Variants in EVPLL observed in about 807,000 individuals in gnomAD.
EVPLL encodes the protein envoplakin like.
EVPLL carries 39 observed loss-of-function variants against 46.2 expected under a neutral mutation model. The observed-to-expected ratio is 0.84, with a 90% CI of 0.65 to 1.10. The LOEUF is 1.10. EVPLL is among the 50% of genes least tolerant of loss of function. The pLI is 0.00. For synonymous variants in EVPLL, 156 were observed against 165.8 expected, an observed-to-expected ratio of 0.94 and a Z score of 0.46; for missense variants, 385 against 412.6, an observed-to-expected ratio of 0.93 and a Z score of 0.58.
rs1188284668 is a variant in EVPLL, at chr17:18,381,984, AG to A, written c.346+256del. The A allele has an allele frequency of 3.6e-6, 2 of 549,370 alleles. No individual in the cohort carries two copies. Among genetic ancestry groups the A allele is most frequent in the African/African-American group, 3.8e-5 (2 of 53,038 alleles). The allele number at this position is 549,370 out of a possible 1,614,324, so 34.0% of individuals were successfully genotyped here. A position where few individuals can be genotyped will look rare whatever the true frequency, so the allele number is the denominator to read the frequency against. ...TGAGGAGAGGACAATTCCAGAAAGA[AG>A]GAGCAAAGGCACCTGCCAGGAGGAA... On this transcript the variant is annotated intron_variant, in intron 4 of 10. Transcript: ENST00000399134. This position sits in a 1 kb window ranked among gnomAD's most constrained non-coding sequence, Gnocchi z 4.2.
At position 18,383,036 on chromosome 17, in the gene EVPLL, G is replaced by T; in HGVS notation, c.523G>T (p.Val175Leu). ...PIPRPTEGGV[V>L]ARAEPGQPVH... ...GGTCCTGAGCACAGAGGGCGGCGTC[G>T]TGGCGCGGGCAGAGCCTGGGCAGCC... The change falls in exon 7 of 11, where the codon GTG becomes TTG. Residue 175 changes from valine to leucine, a missense_variant. Transcript: ENST00000399134. 1 of 1,558,246 alleles carries T rather than the reference G, an allele frequency of 6.4e-7. No homozygotes were observed. The highest frequency in any genetic ancestry group is 8.6e-7 in the Non-Finnish European group (1 of 1,157,734).
chr17:18,387,422 G>C (rs796077689), intron 9 of EVPLL, among the ~76,000 whole-genome samples: 2,444 of 121,136 alleles, frequency 0.02, no homozygotes, highest in African/African-American at 0.032. Context: ...GGCCTCCCTG[G>C]TGCCACCTGG....
In EVPLL at chr17:18,383,301, G is replaced by A. The variant is rs756904241; in HGVS notation, c.703G>A (p.Glu235Lys). Residue 235 changes from glutamate (E) to lysine (K), a missense_variant, in exon 8 of 11, where the codon GAG becomes AAG. Glu to Lys is a moderately conservative substitution (Grantham distance 56, BLOSUM62 1). Coordinates refer to ENST00000399134, the MANE Select transcript of EVPLL (RefSeq NM_001145127.2). ...HFKQHELLSQ[E>K]QSVNQLEEDG... Reference sequence around the variant, plus strand: ...CAAGCAGCACGAGCTGCTGAGCCAGGAGCAGAGCGTAAACCAGCTGGAGGA... The same window carrying A: ...CAAGCAGCACGAGCTGCTGAGCCAGAAGCAGAGCGTAAACCAGCTGGAGGA... The A allele has an allele frequency of 1.2e-6, 2 of 1,601,202 alleles. No homozygotes were observed. The highest frequency in any genetic ancestry group is 1.7e-6 in the Non-Finnish European group (2 of 1,175,164).
chr17:18,387,009 C>G, intron 9 of EVPLL, among the ~76,000 whole-genome samples: 1 of 151,778 alleles, frequency 6.6e-6, no homozygotes, highest in Non-Finnish European at 1.5e-5. Context: ...ATTCTCCTGC[C>G]TCAGCCTCCC....
At chr17:18,378,212 T>G (rs1478204433) in intron 1 of EVPLL, among the ~76,000 whole-genome samples, 2 of 152,346 alleles carry the variant, frequency 1.3e-5, no homozygotes, top group East Asian at 3.9e-4. Context: ...TGGGGCTCCC[T>G]ACATCCTCTA....
At position 18,377,924 on chromosome 17, in the gene EVPLL, G is replaced by A; in HGVS notation, c.-96G>A. The A allele has an allele frequency of 1.8e-6, 2 of 1,126,296 alleles. No homozygotes were observed. The highest frequency in any genetic ancestry group is 1.2e-6 in the Non-Finnish European group (1 of 814,874). The allele number at this position is 1,126,296 out of a possible 1,614,324, so 69.8% of individuals were successfully genotyped here. A position where few individuals can be genotyped will look rare whatever the true frequency, so the allele number is the denominator to read the frequency against. The stretch of plus-strand genomic sequence containing the variant: ...TGAGCAAAGGCTCCCAGGGGAAGGG[G>A]TCCCCCAAGGACTCCCCAGCCAAGG... On this transcript the variant is annotated 5_prime_UTR_variant, in exon 1 of 11. Transcript: ENST00000399134.
At chr17:18,383,217 G>T in intron 7 of EVPLL, 32 bp downstream of exon 7, 1 of 1,547,186 alleles carries the variant, frequency 6.5e-7, no homozygotes, top group Non-Finnish European at 8.7e-7. Context: ...CCAGGCGGGG[G>T]CGACCAGGGC....
rs1480353978 is a variant in EVPLL at position 18,388,140 on chromosome 17, AC to A, written c.877-76del. The A allele has an allele frequency of 3.7e-6, 3 of 808,218 alleles. No individual in the cohort carries two copies. In the Admixed American group the frequency reaches 7.1e-5, roughly 19 times the overall value. The allele number at this position is 808,218 out of a possible 1,614,324, so 50.1% of individuals were successfully genotyped here. On this transcript the variant is annotated intron_variant, in intron 9 of 10. Coordinates refer to ENST00000399134, the MANE Select transcript of EVPLL (RefSeq NM_001145127.2). ...TAATCACAGCCAACCCTCAAATAAT[AC>A]CCATAGTGTAGGACCCTTACAACGT...
intron 8 of EVPLL, 24 bp from the exon 9 acceptor site, chr17:18,383,468 A>G: frequency 6.4e-7 from 1 of 1,553,168 alleles, no homozygotes; most frequent in Non-Finnish European, 8.7e-7. Flanking sequence ...GCGTGGTCCG[A>G]GGGCTCCGTG....
At chr17:18,379,443 G>A (rs1011695355) in intron 1 of EVPLL, among the ~76,000 whole-genome samples, 5 of 152,206 alleles carry the variant, frequency 3.3e-5, no homozygotes, top group African/African-American at 9.6e-5. Context: ...CCTCCCTGGG[G>A]CACCTGAGCC....
rs1457481601 is a variant in EVPLL, at chr17:18,377,957, C to T, written c.-63C>T. 1.9e-6 allele frequency: 2 copies of T among 1,051,734 alleles called. No individual in the cohort carries two copies. The highest frequency in any genetic ancestry group is 2.6e-6 in the Non-Finnish European group (2 of 757,268). The allele number at this position is 1,051,734 out of a possible 1,614,324, so 65.2% of individuals were successfully genotyped here. On this transcript the variant is annotated 5_prime_UTR_variant, in exon 1 of 11. Transcript: ENST00000399134. ...AGGACTCCCCAGCCAAGGGGTCCCC[C>T]AAAGGCTCCCCCAGCAAGCACAGCT...
rs746107048 is a variant in EVPLL at position 18,383,592 on chromosome 17, G to A, written c.876+5G>A. ...CACGTGGAGGACTACAGCCGGGTGA[G>A]CCCTCGGGCAGCGGCAGGGCGGCAG... is the stretch of plus-strand genomic sequence containing the variant. On this transcript the variant is annotated splice_donor_5th_base_variant and intron_variant, in intron 9 of 10. Transcript: ENST00000399134. 5 of 1,283,406 alleles carry A rather than the reference G, an allele frequency of 3.9e-6. No homozygotes were observed. The highest frequency in any genetic ancestry group is 5.9e-5 in the Admixed American group (2 of 34,086). The allele number at this position is 1,283,406 out of a possible 1,614,324, so 79.5% of individuals were successfully genotyped here.
intron 10 of EVPLL, 48 bp from the exon 11 acceptor site, chr17:18,388,809 G>A (rs1987858219): frequency 6.6e-6 from 1 of 151,848 alleles, no homozygotes; most frequent in Non-Finnish European, 1.5e-5. Flanking sequence ...TTGAACTCTG[G>A]GGCTCAGACA....
In EVPLL at chr17:18,381,097, G is replaced by A. The variant is rs542841181; in HGVS notation, c.63+97G>A. 214 of 1,420,352 alleles carry A rather than the reference G, an allele frequency of 1.5e-4. 2 individuals carry two copies. The Middle Eastern group carries it at 1.9e-3, about 13-fold the overall frequency. The allele number at this position is 1,420,352 out of a possible 1,614,324, so 88.0% of individuals were successfully genotyped here. On this transcript the variant is annotated intron_variant, in intron 2 of 10. Transcript: ENST00000399134. This position sits in a 1 kb window ranked among gnomAD's most constrained non-coding sequence, Gnocchi z 4.2. The stretch of plus-strand genomic sequence containing the variant: ...CACTCCCTGAGTGCCCCCTGGTGAT[G>A]GTGAAGATGGGACAGATGACATTTG...
At position 18,382,570 on chromosome 17, in the gene EVPLL, G is replaced by A. The variant is rs897395595; in HGVS notation, c.404G>A (p.Arg135His). The A allele has an allele frequency of 1.1e-5, 17 of 1,551,714 alleles. No individual in the cohort carries two copies. In the African/African-American group the frequency reaches 1.6e-4, roughly 15 times the overall value. ...CATGGCGGAGCTGGAGGAACAGATC[G>A]CGGAGCTCAACATCGTGCAGAAGGA... ...AGHGGAGGTD[R>H]GAQHRAEGDQ... Residue 135 changes from arginine (R) to histidine (H), a missense_variant, in exon 5 of 11, where the codon CGC becomes CAC. Transcript: ENST00000399134.
rs1432658753 is a variant in EVPLL at position 18,381,802 on chromosome 17, C to G, written c.346+72C>G. 2 of 1,607,558 alleles carry G rather than the reference C, an allele frequency of 1.2e-6. No individual in the cohort carries two copies. Among genetic ancestry groups the G allele is most frequent in the South Asian group, 2.2e-5 (2 of 90,648 alleles). On this transcript the variant is annotated intron_variant, in intron 4 of 10. Transcript: ENST00000399134. The surrounding 1 kb of genome is among the most constrained non-coding windows in gnomAD (Gnocchi z 4.2). ...GAACTGCATTTAACCCAGGGCCTGA[C>G]TGTAGGCTTGAACAGTCAGTGTATA...
Position 18,381,707 on chromosome 17 carries a change from G to GCA in EVPLL, c.327_328dup (p.Arg110HisfsTer86), listed in dbSNP as rs1226167258. On this transcript the variant is annotated frameshift_variant, in exon 4 of 11. Transcript: ENST00000399134. LOFTEE classifies it high-confidence loss of function. This position sits in a 1 kb window ranked among gnomAD's most constrained non-coding sequence, Gnocchi z 4.2. ...CGACGTGGGATCCAAGGTCGACTGGGCACACGTGCTGGAGCAGAAACAGGT... is the reference window on the plus strand; with the variant it reads ...CGACGTGGGATCCAAGGTCGACTGGGCACACACGTGCTGGAGCAGAAACAGGT... 2 of 1,614,166 alleles carry GCA rather than the reference G, an allele frequency of 1.2e-6. No individual in the cohort carries two copies. Among genetic ancestry groups the GCA allele is most frequent in the Admixed American group, 3.3e-5 (2 of 60,022 alleles).
rs776974734 is a variant in EVPLL, at chr17:18,383,312, A to G, written c.714A>G (p.Val238=). The G allele has an allele frequency of 1.2e-6, 2 of 1,604,850 alleles. No homozygotes were observed. The highest frequency in any genetic ancestry group is 1.7e-6 in the Non-Finnish European group (2 of 1,176,792). The change falls in exon 8 of 11, where the codon GTA becomes GTG. Residue 238 remains valine, a synonymous_variant. Coordinates refer to ENST00000399134, the MANE Select transcript of EVPLL (RefSeq NM_001145127.2). The part of the protein sequence containing the change: ...QHELLSQEQS[V]NQLEEDGKRM... Reference sequence around the variant, plus strand: ...AGCTGCTGAGCCAGGAGCAGAGCGTAAACCAGCTGGAGGAGGACGGCAAGC... The same window carrying G: ...AGCTGCTGAGCCAGGAGCAGAGCGTGAACCAGCTGGAGGAGGACGGCAAGC...
At chr17:18,378,437 G>A (rs1259167341) in intron 1 of EVPLL, among the ~76,000 whole-genome samples, 1 of 152,110 alleles carries the variant, frequency 6.6e-6, no homozygotes, top group African/African-American at 2.4e-5. Context: ...CCTGGGGTAG[G>A]GATGCAGGGG....
Sources: gnomAD v4.1 joint callset for allele counts (sites outside exome capture counted in the v4.1 genomes callset) on GRCh38, gnomAD v4.1.1 for gene constraint, Gnocchi (gnomAD v3.1) non-coding constraint, MANE v1.5 for transcripts, NCBI Gene and HGNC (gene_info 2026-07-23, HGNC 2026-07-21) for gene names.